IL5RA: variants seen among roughly 807,000 people sequenced by gnomAD.
IL5RA encodes interleukin 5 receptor subunit alpha.
In IL5RA, 49 loss-of-function variants were observed where a neutral mutation model predicts 50.0. The observed-to-expected ratio is 0.98, with a 90% confidence interval of 0.78 to 1.24. The LOEUF (loss-of-function observed/expected upper bound fraction) is 1.24. Among genes scored for constraint, IL5RA ranks in the 50% most tolerant of loss-of-function variants. The pLI is 0.00. For synonymous variants in IL5RA, 202 were observed against 174.0 expected (o/e 1.16, Z -1.26); for missense variants, 600 against 500.4 (o/e 1.20, Z -1.90).
intron 5 of IL5RA, among the ~76,000 whole-genome samples, chr3:3,099,677 T>TTATTAC (rs1489844527): frequency 6.7e-6 from 1 of 149,418 alleles, no homozygotes; most frequent in African/African-American, 2.5e-5. Context: ...ATTATTATTA[T>TTATTAC]TATTATTATT....
chr3:3,071,005 C>G (rs890023132), intron 11 of IL5RA, among the ~76,000 whole-genome samples: 1 of 152,196 alleles, frequency 6.6e-6, no homozygotes, highest in South Asian at 2.1e-4. Context: ...TAATTTACTA[C>G]AGTATCCCCC....
chr3:3,091,888 C>G, intron 9 of IL5RA: 2 of 660,436 alleles, frequency 3.0e-6, no homozygotes, highest in Non-Finnish European at 3.9e-6. Flanking sequence ...GACACAGGAT[C>G]TCTATTATTT....
In IL5RA at chr3:3,102,799, T is replaced by C. The variant is rs758978724; in HGVS notation, c.104A>G (p.Asn35Ser). ...DEKISLLPPV[N>S]FTIKVTGLAQ... Reference sequence around the variant, plus strand: ...CAAACCAGTAACTTTAATGGTGAAATTGACAGGTGGGAGAAGTGAAACTGT... The same window carrying C: ...CAAACCAGTAACTTTAATGGTGAAACTGACAGGTGGGAGAAGTGAAACTGT... Residue 35 changes from asparagine (N) to serine (S), a missense_variant, in exon 4 of 12, where the codon AAT becomes AGT. Transcript: ENST00000446632. 5 of 1,609,996 alleles carry C rather than the reference T, an allele frequency of 3.1e-6. No individual in the cohort carries two copies. The highest frequency in any genetic ancestry group is 1.7e-5 in the Admixed American group (1 of 59,112).
At chr3:3,085,086 C>T (rs545833495) in intron 9 of IL5RA, among the ~76,000 whole-genome samples, 19 of 152,342 alleles carry the variant, frequency 1.2e-4, no homozygotes, top group Middle Eastern at 6.8e-3. Flanking sequence ...TGAGGCAGTC[C>T]GCCCCCCCTG....
chr3:3,097,996 C>A lies in IL5RA; in HGVS notation c.583G>T (p.Ala195Ser), dbSNP rs569914205. The change falls in exon 7 of 12, where the codon GCA becomes TCA. Residue 195 changes from alanine to serine, a missense_variant. Ala to Ser is a moderately conservative substitution (Grantham distance 99, BLOSUM62 1). Coordinates refer to ENST00000446632, the MANE Select transcript of IL5RA (RefSeq NM_175726.4). ...YSKDTLGRNI[A>S]CWFPRTFILS... ...ATAAAAGTCCTGGGAAACCAGCATG[C>A]GATATTTCTCCCCAGTGTGTCTTTG... The A allele has an allele frequency of 1.2e-6, 2 of 1,614,058 alleles. No individual in the cohort carries two copies. Among genetic ancestry groups the A allele is most frequent in the East Asian group, 2.2e-5 (1 of 44,902 alleles).
intron 11 of IL5RA, among the ~76,000 whole-genome samples, chr3:3,071,597 A>G (rs199600289): frequency 0.027 from 1,495 of 55,016 alleles, 22 homozygotes; most frequent in African/African-American, 0.086. Flanking sequence ...GTGTGTGTGT[A>G]TTTTTTTTTT....
rs988583198 is a variant in IL5RA at position 3,068,566 on chromosome 3, C to T, written c.*1659G>A. On this transcript the variant is annotated 3_prime_UTR_variant, in exon 12 of 12. Coordinates refer to ENST00000446632, the MANE Select transcript of IL5RA (RefSeq NM_175726.4). ...CTCTAGCCTGGGAGACAGAACAAGACTGTCTCCACCACCCACCCCACAAAA... is the reference window on the plus strand; with the variant it reads ...CTCTAGCCTGGGAGACAGAACAAGATTGTCTCCACCACCCACCCCACAAAA... 2.3e-5 allele frequency: 3 copies of T among 130,652 alleles called. No homozygotes were observed. Among genetic ancestry groups the T allele is most frequent in the South Asian group, 2.4e-4 (1 of 4,084 alleles). The allele number at this position is 130,652 out of a possible 1,614,324, so 8.1% of individuals were successfully genotyped here.
chr3:3,088,915 G>C (rs556224372), intron 9 of IL5RA, among the ~76,000 whole-genome samples: 45 of 152,240 alleles, frequency 3.0e-4, no homozygotes, highest in African/African-American at 8.9e-4. Flanking sequence ...TCCACCTTAG[G>C]CATTTGACAA....
intron 11 of IL5RA, among the ~76,000 whole-genome samples, chr3:3,072,297 C>G (rs971520906): frequency 2.6e-5 from 4 of 152,224 alleles, no homozygotes; most frequent in Non-Finnish European, 5.9e-5. Flanking sequence ...TCTTTCTTCT[C>G]TCAGTCTCTA....
In IL5RA at chr3:3,070,224, G is replaced by C. The variant is rs149197224; in HGVS notation, c.*1C>G. 562 of 1,604,654 alleles carry C rather than the reference G, an allele frequency of 3.5e-4. No homozygotes were observed. The African/African-American group carries it at 6.5e-3, about 19-fold the overall frequency. On this transcript the variant is annotated 3_prime_UTR_variant, in exon 12 of 12. Transcript: ENST00000446632. ...TTCATCAGAGGATGCCAAAGTGACA[G>C]TCAAAACACAGAATCCTCCAGGGTC... is the stretch of plus-strand genomic sequence containing the variant.
chr3:3,076,622 C>T lies in IL5RA; in HGVS notation c.1000G>A (p.Asp334Asn), dbSNP rs866083581. 1 of 1,598,788 alleles carries T rather than the reference C, an allele frequency of 6.3e-7. No homozygotes were observed. The highest frequency in any genetic ancestry group is 8.5e-7 in the Non-Finnish European group (1 of 1,170,354). The change falls in exon 10 of 12, where the codon GAT becomes AAT. Residue 334 changes from aspartate to asparagine, a missense_variant. Physicochemically the swap from Asp to Asn is conservative, Grantham distance 23. Transcript: ENST00000446632. ...EWSQPIYVGNDEHKPLREWFV... is the reference protein window; with the variant it reads ...EWSQPIYVGNNEHKPLREWFV... Reference sequence around the variant, plus strand: ...CACTCTCTCAAGGGCTTGTGTTCATCATTTCCTGGTGGAAAACAAAAAAGA... The same window carrying T: ...CACTCTCTCAAGGGCTTGTGTTCATTATTTCCTGGTGGAAAACAAAAAAGA...
rs746764282 is a variant in IL5RA at position 3,092,296 on chromosome 3, C to T, written c.922G>A (p.Val308Met). 1 of 1,614,118 alleles carries T rather than the reference C, an allele frequency of 6.2e-7. No individual in the cohort carries two copies. Among genetic ancestry groups the T allele is most frequent in the South Asian group, 1.1e-5 (1 of 91,088 alleles). The change falls in exon 9 of 12, where the codon GTG (valine) becomes ATG (methionine). Residue 308 changes from valine (V) to methionine (M), a missense_variant. By Grantham distance (21) the Val-to-Met change is conservative. Transcript: ENST00000446632. The surrounding 1 kb of genome is among the most constrained non-coding windows in gnomAD (Gnocchi z 4.2). The part of the protein sequence containing the change: ...IDDLSKYDVQ[V>M]RAAVSSMCRE... The stretch of plus-strand genomic sequence containing the variant: ...CACATGGAGCTCACTGCTGCTCTCA[C>T]TTGAACATCGTACTTAGAAAGATCA...
intron 9 of IL5RA, among the ~76,000 whole-genome samples, chr3:3,082,619 T>A (rs1702707175): frequency 2.6e-5 from 4 of 152,238 alleles, no homozygotes; most frequent in African/African-American, 9.6e-5. Context: ...TATTCTTCTA[T>A]GACCCTAGAA....
chr3:3,097,847 G>T, intron 7 of IL5RA, 23 bp downstream of exon 7: 2 of 1,596,710 alleles, frequency 1.3e-6, no homozygotes, highest in South Asian at 1.1e-5. Context: ...AGTTATTTCA[G>T]CTTTGGGTTA....
chr3:3,100,980 CAATAATAATAATAATAAT>C (rs35949387), intron 5 of IL5RA, among the ~76,000 whole-genome samples: 1,559 of 141,706 alleles, frequency 0.011, 23 homozygotes, highest in African/African-American at 0.036. Flanking sequence ...AACCCCATCT[CAATAATAATAATAATAAT>C]AATAATAATA....
chr3:3,094,818 G>A (rs1338099125), intron 8 of IL5RA, among the ~76,000 whole-genome samples: 1 of 152,102 alleles, frequency 6.6e-6, no homozygotes, highest in African/African-American at 2.4e-5. Context: ...CGCCTCCCTG[G>A]TTGAAGTGAT....
At position 3,067,235 on chromosome 3, in the gene IL5RA, T is replaced by C. The variant is rs760045200; in HGVS notation, c.*2990A>G. On this transcript the variant is annotated 3_prime_UTR_variant, in exon 12 of 12. Transcript: ENST00000446632. Reference sequence around the variant, plus strand: ...ATCCAGGTTGCAGTAGCCCAGTTGTTAGGCACATGTGTCTCCTGGTTGCTT... The same window carrying C: ...ATCCAGGTTGCAGTAGCCCAGTTGTCAGGCACATGTGTCTCCTGGTTGCTT... 1 of 152,180 alleles carries C rather than the reference T, an allele frequency of 6.6e-6. No individual in the cohort carries two copies. Among genetic ancestry groups the C allele is most frequent in the Non-Finnish European group, 1.5e-5 (1 of 68,044 alleles). The allele number at this position is 152,180 out of a possible 1,614,324, so 9.4% of individuals were successfully genotyped here.
chr3:3,105,035 A>G (rs1239753718), intron 2 of IL5RA, 48 bp from the exon 3 acceptor site: 1 of 1,181,042 alleles, frequency 8.5e-7, no homozygotes. Flanking sequence ...GCTATTTTTA[A>G]GAAAAACTGA....
intron 5 of IL5RA, among the ~76,000 whole-genome samples, chr3:3,099,816 C>G (rs536926639): frequency 1.3e-5 from 2 of 151,824 alleles, no homozygotes; most frequent in Admixed American, 1.3e-4. Context: ...ATTACAGGCA[C>G]GTGCCACCAC....
Sources: gnomAD v4.1 joint callset for allele counts (sites outside exome capture counted in the v4.1 genomes callset) on GRCh38, gnomAD v4.1.1 for gene constraint, Gnocchi (gnomAD v3.1) non-coding constraint, MANE v1.5 for transcripts, NCBI Gene and HGNC (gene_info 2026-07-23, HGNC 2026-07-21) for gene names.